The following PDE1A variants were observed in gnomAD, a reference collection of about 807,000 sequenced individuals.
PDE1A encodes the protein dual specificity calcium/calmodulin-dependent 3',5'-cyclic nucleotide phosphodiesterase 1A.
Under a neutral mutation model 61.7 loss-of-function variants are expected in PDE1A, and 35 were observed. The ratio of observed to expected loss-of-function variants is 0.57; its 90% confidence interval spans 0.43 to 0.75. PDE1A has a LOEUF of 0.75. Ranked by LOEUF, PDE1A falls within the 30% of genes least tolerant of loss-of-function variation. The pLI is 0.00. For synonymous variants in PDE1A, 232 were observed against 213.2 expected (o/e 1.09, Z -0.77); for missense variants, 597 against 630.6 (o/e 0.95, Z 0.57).
intron 1 of PDE1A, among the ~76,000 whole-genome samples, chr2:182,309,696 G>C (rs1559322873): frequency 6.6e-6 from 1 of 152,122 alleles, no homozygotes; most frequent in Middle Eastern, 3.4e-3. Context: ...AATCAATGAA[G>C]AAAACCTTAT....
chr2:182,350,866 G>A (rs1325115439), intron 1 of PDE1A, among the ~76,000 whole-genome samples: 1 of 152,090 alleles, frequency 6.6e-6, no homozygotes. Context: ...CTCACACGTT[G>A]ACTCACCCAC....
At chr2:182,295,199 C>T (rs572390618) in intron 1 of PDE1A, among the ~76,000 whole-genome samples, 12 of 151,114 alleles carry the variant, frequency 7.9e-5, no homozygotes, top group African/African-American at 2.2e-4. Context: ...CTCAGCCTCC[C>T]GAGTAGCTGG....
chr2:182,567,713 T>G, the PDE1A span, among the ~76,000 whole-genome samples: 1 of 152,146 alleles, frequency 6.6e-6, no homozygotes, highest in Non-Finnish European at 1.5e-5. Flanking sequence ...TAAAATCTAA[T>G]TTCCCTGATA....
At chr2:182,156,343 C>T (rs1247769705) in intron 13 of PDE1A, among the ~76,000 whole-genome samples, 8 of 151,938 alleles carry the variant, frequency 5.3e-5, no homozygotes, top group African/African-American at 1.2e-4. Context: ...TCATCTTATC[C>T]TTTCAACACT....
At chr2:182,640,578 G>A in the PDE1A span, among the ~76,000 whole-genome samples, 1 of 152,004 alleles carries the variant, frequency 6.6e-6, no homozygotes, top group Non-Finnish European at 1.5e-5. Context: ...AATATCAAAT[G>A]GTGGAAGAAG....
At chr2:182,486,438 G>A (rs899877875) in intron 2 of PDE1A, among the ~76,000 whole-genome samples, 1 of 151,838 alleles carries the variant, frequency 6.6e-6, no homozygotes, top group Non-Finnish European at 1.5e-5. Context: ...TGTAGAAGTT[G>A]GAAATATGCT....
At chr2:182,435,487 G>A (rs2125652915) in intron 2 of PDE1A, among the ~76,000 whole-genome samples, 1 of 152,118 alleles carries the variant, frequency 6.6e-6, no homozygotes, top group South Asian at 2.1e-4. Context: ...GCAGTGTGGT[G>A]TCAGTCATGC....
At chr2:182,540,016 T>C in the PDE1A span, among the ~76,000 whole-genome samples, 1 of 152,184 alleles carries the variant, frequency 6.6e-6, no homozygotes, top group African/African-American at 2.4e-5. Flanking sequence ...AAATAAGACA[T>C]TGACCTAAAG....
the PDE1A span, among the ~76,000 whole-genome samples, chr2:182,586,986 C>A: frequency 6.6e-6 from 1 of 152,148 alleles, no homozygotes; most frequent in South Asian, 2.1e-4. Flanking sequence ...GCACGTAACC[C>A]AGTTTGGCAG....
Position 182,456,855 on chromosome 2 carries a change from A to C in PDE1A, c.101+65421T>G, listed in dbSNP as rs147418444. 9.8e-3 allele frequency among the ~76,000 whole-genome samples: 1,499 copies of C among 152,184 alleles called. 19 individuals are homozygous for C. The highest frequency in any genetic ancestry group is 0.034 in the African/African-American group (1,407 of 41,560). ...AGTCTCTATGCTCCAATTAATATAA[A>C]CAGGTTCTCTCCTACACAAATGTCT... is the stretch of plus-strand genomic sequence containing the variant. On this transcript the variant is annotated intron_variant, in intron 2 of 14. Coordinates refer to the PDE1A transcript ENST00000410103.
chr2:182,172,683 G>C (rs1692342221), intron 13 of PDE1A, among the ~76,000 whole-genome samples: 1 of 152,046 alleles, frequency 6.6e-6, no homozygotes, highest in Admixed American at 6.6e-5. Flanking sequence ...CAGTATGAAA[G>C]AGACAGCTAT....
At chr2:182,147,466 T>G (rs1025442659) in intron 13 of PDE1A, among the ~76,000 whole-genome samples, 1 of 152,202 alleles carries the variant, frequency 6.6e-6, no homozygotes, top group African/African-American at 2.4e-5. Context: ...TTTCTGAATA[T>G]TTTTTAATTG....
intron 13 of PDE1A, among the ~76,000 whole-genome samples, chr2:182,179,153 G>T (rs1684535264): frequency 6.6e-6 from 1 of 152,128 alleles, no homozygotes; most frequent in Non-Finnish European, 1.5e-5. Flanking sequence ...TGGTCACAGA[G>T]AAATAATGAA....
chr2:182,270,422 C>A (rs1692933935), intron 1 of PDE1A, among the ~76,000 whole-genome samples: 1 of 152,026 alleles, frequency 6.6e-6, no homozygotes, highest in Admixed American at 6.6e-5. Context: ...ATAACCCAAT[C>A]TTGCAGAATG....
chr2:182,407,733 A>G (rs16823171), intron 1 of PDE1A, among the ~76,000 whole-genome samples: 8,334 of 152,220 alleles, frequency 0.055, 732 homozygotes, highest in African/African-American at 0.19. Flanking sequence ...TGACCAAAAA[A>G]CAGAACTTGA....
the PDE1A span, among the ~76,000 whole-genome samples, chr2:182,628,147 G>C: frequency 2.6e-5 from 4 of 152,026 alleles, no homozygotes; most frequent in African/African-American, 9.7e-5. Flanking sequence ...AGAGGACTTT[G>C]CTTATCCTTA....
chr2:182,524,547 C>A (rs923095647), upstream of PDE1A, among the ~76,000 whole-genome samples: 1 of 151,974 alleles, frequency 6.6e-6, no homozygotes, highest in Non-Finnish European at 1.5e-5. Context: ...TATACTAATT[C>A]GGTCACTTAC....
At chr2:182,354,831 G>T (rs972591539) in intron 1 of PDE1A, among the ~76,000 whole-genome samples, 5 of 152,094 alleles carry the variant, frequency 3.3e-5, no homozygotes, top group Non-Finnish European at 5.9e-5. Flanking sequence ...TAGACCAGAG[G>T]TTCCTAATTA....
chr2:182,523,396 C>G (rs1468079645), upstream of PDE1A, among the ~76,000 whole-genome samples: 1 of 152,074 alleles, frequency 6.6e-6, no homozygotes, highest in Non-Finnish European at 1.5e-5. Context: ...TAAAAGGAAT[C>G]AGAACTGAGT....
Sources: allele counts gnomAD v4.1 joint callset (sites outside exome capture counted in the v4.1 genomes callset), GRCh38; gene constraint gnomAD v4.1.1; transcripts MANE v1.5; gene names NCBI Gene and HGNC (gene_info 2026-07-23, HGNC 2026-07-21).